The following PCDH15 variants were observed in gnomAD, a reference collection of about 807,000 sequenced individuals.
PCDH15 encodes protocadherin related 15.
A neutral mutation model predicts 178.5 loss-of-function variants in PCDH15; 129 were observed. The ratio of observed to expected loss-of-function variants is 0.72; its 90% CI spans 0.63 to 0.84. PCDH15 has a LOEUF of 0.84. PCDH15 is among the 40% of genes least tolerant of loss of function. The probability of loss-of-function intolerance (pLI) is 0.00; values close to 1 mark genes in which losing one functional copy is unlikely to be tolerated. For missense variants in PCDH15, 2,230 were observed against 2,099.9 expected (o/e 1.06, Z -1.21); for synonymous variants, 800 against 732.0 (o/e 1.09, Z -1.50).
chr10:53,933,632 A>G (rs1293840056), intron 25 of PCDH15, among the ~76,000 whole-genome samples: 2 of 152,392 alleles, frequency 1.3e-5, no homozygotes, highest in Non-Finnish European at 2.9e-5. Context: ...CACAATAAAC[A>G]TATGTGTGCA....
chr10:55,184,931 T>A (rs1839754810), intron 1 of PCDH15, among the ~76,000 whole-genome samples: 1 of 151,970 alleles, frequency 6.6e-6, no homozygotes, highest in Non-Finnish European at 1.5e-5. Flanking sequence ...GATTGATTAT[T>A]TCATGGAATT....
intron 1 of PCDH15, among the ~76,000 whole-genome samples, chr10:54,757,127 T>C (rs1947244966): frequency 6.6e-6 from 1 of 152,196 alleles, no homozygotes; most frequent in Admixed American, 6.5e-5. Context: ...AGCCGGGGTA[T>C]ATTCAGTTGT....
intron 13 of PCDH15, among the ~76,000 whole-genome samples, chr10:54,158,599 C>T (rs11004104): frequency 0.22 from 33,402 of 152,032 alleles, 5,041 homozygotes; most frequent in East Asian, 0.87. Flanking sequence ...TCTTTAATTG[C>T]TCTTTCCTGG....
At chr10:54,150,375 AC>A (rs755512222) in intron 14 of PCDH15, among the ~76,000 whole-genome samples, 24 of 151,998 alleles carry the variant, frequency 1.6e-4, no homozygotes, top group Admixed American at 3.9e-4. Context: ...AGTTTCCTAC[AC>A]CTGGTGTAGT....
chr10:54,570,696 A>G (rs2133563326), intron 2 of PCDH15, among the ~76,000 whole-genome samples: 1 of 152,132 alleles, frequency 6.6e-6, no homozygotes, highest in East Asian at 1.9e-4. Flanking sequence ...CTCTGTTGCC[A>G]GGCTGGAGTG....
At chr10:54,541,617 T>A (rs1042388958) in intron 2 of PCDH15, among the ~76,000 whole-genome samples, 24 of 152,170 alleles carry the variant, frequency 1.6e-4, no homozygotes, top group African/African-American at 5.5e-4. Flanking sequence ...TTCAACATTA[T>A]CCAACTTGTC....
Position 54,378,309 on chromosome 10 carries a change from A to AT in PCDH15, c.318+472dup, listed in dbSNP as rs56244838. Among the ~76,000 whole-genome samples the AT allele has an allele frequency of 4.1e-4, 62 of 150,110 alleles. 1 individual carries two copies. Among genetic ancestry groups the AT allele is most frequent in the South Asian group, 3.6e-3 (17 of 4,744 alleles). On this transcript the variant is annotated intron_variant, in intron 4 of 37. Transcript: ENST00000644397. Reference sequence around the variant, plus strand: ...GCATATTACCATGAAACTTTTTCTCATTTTTTTTTTCTTTTTTGCAACTAT... The same window carrying AT: ...GCATATTACCATGAAACTTTTTCTCATTTTTTTTTTTCTTTTTTGCAACTAT...
intron 3 of PCDH15, among the ~76,000 whole-genome samples, chr10:54,390,470 T>C (rs1950422862): frequency 6.6e-6 from 1 of 152,062 alleles, no homozygotes; most frequent in Non-Finnish European, 1.5e-5. Context: ...TTTTTTTGTA[T>C]GTTTTTAGTA....
chr10:54,145,211 T>C (rs2043788632), intron 14 of PCDH15, among the ~76,000 whole-genome samples: 1 of 152,100 alleles, frequency 6.6e-6, no homozygotes, highest in Non-Finnish European at 1.5e-5. Flanking sequence ...AACTTTTTCA[T>C]ATGACAATAG....
chr10:54,840,669 A>G (rs1953401807), intron 3 of PCDH15, among the ~76,000 whole-genome samples: 1 of 151,814 alleles, frequency 6.6e-6, no homozygotes, highest in African/African-American at 2.4e-5. Flanking sequence ...ACCTCTAACA[A>G]TATGATACAT....
rs576210549 is a variant in PCDH15 at position 55,537,582 on chromosome 10, C to T, written c.-156+90043G>A. 2.6e-4 allele frequency among the ~76,000 whole-genome samples: 40 copies of T among 152,104 alleles called. No homozygotes were observed. The Middle Eastern group carries it at 0.01, about 39-fold the overall frequency. ...TCCCCAGTAGCTGGGATTACAGGCA[C>T]GTGCCATCACACCTGGCTAATTTTT... is the stretch of plus-strand genomic sequence containing the variant. On this transcript the variant is annotated intron_variant, in intron 2 of 5. Coordinates refer to the PCDH15 transcript ENST00000613346.
At chr10:54,242,756 G>C (rs1564771775) in intron 8 of PCDH15, among the ~76,000 whole-genome samples, 1 of 152,056 alleles carries the variant, frequency 6.6e-6, no homozygotes, top group Non-Finnish European at 1.5e-5. Context: ...CGTATACATA[G>C]TAGTATACTG....
At chr10:54,091,473 A>T (rs2094599717) in intron 15 of PCDH15, among the ~76,000 whole-genome samples, 1 of 152,122 alleles carries the variant, frequency 6.6e-6, no homozygotes, top group Admixed American at 6.6e-5. Flanking sequence ...TTAGTGGTAG[A>T]TCAGTTGGCT....
In PCDH15 at chr10:55,427,628, G is replaced by A. The variant is rs530296506; in HGVS notation, c.-156+199997C>T. Among the ~76,000 whole-genome samples the A allele has an allele frequency of 3.9e-5, 6 of 152,292 alleles. No homozygotes were observed. The South Asian group carries it at 8.3e-4, about 21-fold the overall frequency. On this transcript the variant is annotated intron_variant, in intron 2 of 5. Transcript: ENST00000613346. The stretch of plus-strand genomic sequence containing the variant: ...TGCACATGATCGAATGCATCTTGGA[G>A]TGGTGGAAAATGTGTTTACAAATGG...
At chr10:54,278,444 T>C (rs2058472822) in intron 8 of PCDH15, among the ~76,000 whole-genome samples, 2 of 151,710 alleles carry the variant, frequency 1.3e-5, no homozygotes, top group African/African-American at 4.8e-5. Flanking sequence ...ATCTATATTG[T>C]AGTGAATATT....
chr10:53,912,092 T>A (rs979535416), intron 25 of PCDH15, among the ~76,000 whole-genome samples: 6 of 152,144 alleles, frequency 3.9e-5, no homozygotes, highest in South Asian at 2.1e-4. Context: ...AAAAAGCTTA[T>A]CCACCACGAT....
chr10:54,528,514 C>A, intron 2 of PCDH15: 2 of 756,544 alleles, frequency 2.6e-6, no homozygotes, highest in Non-Finnish European at 2.1e-6. Flanking sequence ...ATATAAAAAG[C>A]ATTATACAAT....
chr10:55,020,555 TA>T (rs1840301401), intron 2 of PCDH15, among the ~76,000 whole-genome samples: 2 of 152,116 alleles, frequency 1.3e-5, no homozygotes, highest in African/African-American at 4.8e-5. Context: ...AATCTATTAC[TA>T]CATTTTTTTC....
chr10:55,402,467 T>C lies in PCDH15; in HGVS notation c.-156+225158A>G, dbSNP rs545424598. Among the ~76,000 whole-genome samples the C allele has an allele frequency of 2.0e-5, 3 of 152,096 alleles. No homozygotes were observed. The East Asian group carries it at 5.8e-4, about 29-fold the overall frequency. ...TGCAATGGAACACTAGAACTTATTC[T>C]TTCTGTCTAACTTGTCTGTTTGTAC... On this transcript the variant is annotated intron_variant, in intron 2 of 5. Coordinates refer to the PCDH15 transcript ENST00000613346.
Sources: allele counts gnomAD v4.1 joint callset (sites outside exome capture counted in the v4.1 genomes callset), GRCh38; gene constraint gnomAD v4.1.1; transcripts MANE v1.5; gene names NCBI Gene and HGNC (gene_info 2026-07-23, HGNC 2026-07-21).